The following YWHAQ variants were observed in gnomAD, a reference collection of about 807,000 sequenced individuals.
YWHAQ encodes 14-3-3 protein theta.
A neutral mutation model predicts 28.3 loss-of-function variants in YWHAQ; 6 were observed. The observed-to-expected ratio is 0.21, with a 90% CI of 0.12 to 0.42. The LOEUF is 0.42. YWHAQ is among the 10% of genes least tolerant of loss of function. The pLI is 1.00. For missense variants in YWHAQ, 201 were observed against 305.6 expected (o/e 0.66, Z 2.55); for synonymous variants, 143 against 119.1 (o/e 1.20, Z -1.31).
At chr2:9,599,717 A>T (rs1666650502) in intron 2 of YWHAQ, among the ~76,000 whole-genome samples, 2 of 152,210 alleles carry the variant, frequency 1.3e-5, no homozygotes, top group Non-Finnish European at 2.9e-5. Context: ...CTCATTGACA[A>T]TGCAGCACCT....
chr2:9,594,356 C>A (rs1454046020), intron 2 of YWHAQ, among the ~76,000 whole-genome samples: 1 of 152,060 alleles, frequency 6.6e-6, no homozygotes, highest in Admixed American at 6.5e-5. Flanking sequence ...TTATGGATGA[C>A]TTTCAATTTA....
At chr2:9,587,091 A>G (rs571008092) in intron 5 of YWHAQ, among the ~76,000 whole-genome samples, 1 of 152,332 alleles carries the variant, frequency 6.6e-6, no homozygotes, top group East Asian at 1.9e-4. Context: ...GATAGTCCCT[A>G]ACTGGCTATA....
rs138137488 is a variant in YWHAQ at position 9,611,911 on chromosome 2, T to C, written c.294+18248A>G. Among the ~76,000 whole-genome samples, 335 of 152,314 alleles carry C rather than the reference T, an allele frequency of 2.2e-3. 2 individuals are homozygous for C. Among genetic ancestry groups the C allele is most frequent in the African/African-American group, 7.7e-3 (320 of 41,572 alleles). On this transcript the variant is annotated intron_variant, in intron 2 of 5. Transcript: ENST00000238081. ...CTCAAACTCCTGGGCTCATGTGATC[T>C]ACCCGCCTTGGCCTCCCAAAGCGCT... is the stretch of plus-strand genomic sequence containing the variant.
At chr2:9,605,170 A>T (rs548469057) in intron 2 of YWHAQ, among the ~76,000 whole-genome samples, 48 of 132,990 alleles carry the variant, frequency 3.6e-4, no homozygotes, top group Non-Finnish European at 6.9e-4. Context: ...ACAGGGTCTC[A>T]CTCTGTTGCT....
In YWHAQ at chr2:9,630,520, G is replaced by A; in HGVS notation, c.-68C>T. On this transcript the variant is annotated 5_prime_UTR_variant, in exon 2 of 6. Coordinates refer to ENST00000238081, the MANE Select transcript of YWHAQ (RefSeq NM_006826.4). The surrounding 1 kb of genome is among the most constrained non-coding windows in gnomAD (Gnocchi z 5.6). ...GAGGGCGAGCGCCGACCCGCAGCGG[G>A]AGGAGCCTCGAGAGCTGCGGAGGGG... 1 of 1,424,906 alleles carries A rather than the reference G, an allele frequency of 7.0e-7. No homozygotes were observed. The highest frequency in any genetic ancestry group is 2.4e-5 in the East Asian group (1 of 40,952). 88.3% of individuals were successfully genotyped at this position (1,424,906 alleles called of 1,614,324 possible).
chr2:9,623,628 C>A (rs552629497), intron 2 of YWHAQ, among the ~76,000 whole-genome samples: 10 of 152,150 alleles, frequency 6.6e-5, no homozygotes, highest in African/African-American at 2.2e-4. Context: ...ACAAAATTAG[C>A]CGGGTGTGGT....
intron 5 of YWHAQ, 100 bp downstream of exon 5, chr2:9,587,314 A>G (rs544480586): frequency 9.7e-7 from 1 of 1,036,220 alleles, no homozygotes; most frequent in Admixed American, 2.7e-5. Context: ...TCATACTTTC[A>G]GCTCGTATGT....
At chr2:9,587,345 A>C in intron 5 of YWHAQ, 69 bp downstream of exon 5, 1 of 1,400,568 alleles carries the variant, frequency 7.1e-7, no homozygotes, top group Non-Finnish European at 9.8e-7. Flanking sequence ...AAAGACACGA[A>C]GTCCAAAATA....
chr2:9,620,989 T>C (rs1215438833), intron 2 of YWHAQ, among the ~76,000 whole-genome samples: 3 of 152,130 alleles, frequency 2.0e-5, no homozygotes, highest in Non-Finnish European at 4.4e-5. Context: ...CCTATATCCT[T>C]TGTGGGGTGG....
chr2:9,624,525 G>A (rs920297261), intron 2 of YWHAQ, among the ~76,000 whole-genome samples: 1 of 152,048 alleles, frequency 6.6e-6, no homozygotes, highest in Non-Finnish European at 1.5e-5. Flanking sequence ...ATTGGCATGG[G>A]GGGGGCTGGG....
intron 2 of YWHAQ, among the ~76,000 whole-genome samples, chr2:9,624,186 G>A (rs917026776): frequency 1.3e-5 from 2 of 152,190 alleles, no homozygotes; most frequent in African/African-American, 4.8e-5. Context: ...AGCCCGGGAG[G>A]TGGAGGTTGC....
intron 4 of YWHAQ, 123 bp downstream of exon 4, chr2:9,588,042 G>GATTTCAAA: frequency 8.3e-7 from 1 of 1,208,690 alleles, no homozygotes; most frequent in South Asian, 1.8e-5. Flanking sequence ...AAAAAGAGGA[G>GATTTCAAA]ATTTCAAAAT....
intron 2 of YWHAQ, among the ~76,000 whole-genome samples, chr2:9,620,065 TCA>T (rs911241538): frequency 2.0e-5 from 3 of 152,218 alleles, no homozygotes; most frequent in Non-Finnish European, 4.4e-5. Flanking sequence ...TAAAGCATTT[TCA>T]CACACTTCTC....
In YWHAQ at chr2:9,618,542, T is replaced by C. The variant is rs1667080504; in HGVS notation, c.294+11617A>G. Among the ~76,000 whole-genome samples, 5 of 152,190 alleles carry C rather than the reference T, an allele frequency of 3.3e-5. No homozygotes were observed. In the South Asian group the frequency reaches 6.2e-4, roughly 19 times the overall value. The stretch of plus-strand genomic sequence containing the variant: ...TCTTTTTTGAGACAGAGACTAGGTC[T>C]GTCACCCAGGCTTGAGTGAAGTGGC... On this transcript the variant is annotated intron_variant, in intron 2 of 5. Coordinates refer to ENST00000238081, the MANE Select transcript of YWHAQ (RefSeq NM_006826.4).
chr2:9,617,117 C>G (rs552593813), intron 2 of YWHAQ, among the ~76,000 whole-genome samples: 1 of 148,448 alleles, frequency 6.7e-6, no homozygotes, highest in Non-Finnish European at 1.5e-5. Context: ...CCTGCCACTA[C>G]GCCCGGCTAA....
rs755954786 is a variant in YWHAQ at position 9,630,472 on chromosome 2, C to A, written c.-20G>T. On this transcript the variant is annotated 5_prime_UTR_variant, in exon 2 of 6. Transcript: ENST00000238081. This position sits in a 1 kb window ranked among gnomAD's most constrained non-coding sequence, Gnocchi z 5.6. ...CTCCATGGCGGGCGCGGGGCCGGGG[C>A]CGGGGCGGAGGGCGAGGAGAGCGAG... 1 of 1,575,890 alleles carries A rather than the reference C, an allele frequency of 6.3e-7. No homozygotes were observed. Among genetic ancestry groups the A allele is most frequent in the Non-Finnish European group, 8.6e-7 (1 of 1,164,468 alleles).
At chr2:9,611,400 A>G (rs935928935) in intron 2 of YWHAQ, among the ~76,000 whole-genome samples, 4 of 152,234 alleles carry the variant, frequency 2.6e-5, no homozygotes, top group Non-Finnish European at 5.9e-5. Context: ...TAAATGAATA[A>G]GCTAACTTTC....
chr2:9,618,454 A>G (rs980760434), intron 2 of YWHAQ, among the ~76,000 whole-genome samples: 2 of 152,222 alleles, frequency 1.3e-5, no homozygotes, highest in African/African-American at 4.8e-5. Flanking sequence ...TTTGTGTAGC[A>G]ATCATCACTA....
In YWHAQ at chr2:9,612,150, T is replaced by C. The variant is rs183192316; in HGVS notation, c.294+18009A>G. Among the ~76,000 whole-genome samples the C allele has an allele frequency of 1.2e-3, 186 of 152,334 alleles. 1 individual carries two copies. Among genetic ancestry groups the C allele is most frequent in the African/African-American group, 4.2e-3 (175 of 41,572 alleles). On this transcript the variant is annotated intron_variant, in intron 2 of 5. Coordinates refer to ENST00000238081, the MANE Select transcript of YWHAQ (RefSeq NM_006826.4). ...GTGTCACAGTATTTTTGAAAATCTA[T>C]CTTCTCAGTCTCATTCCTATTTCTA...
Sources: gnomAD v4.1 joint callset for allele counts (sites outside exome capture counted in the v4.1 genomes callset) on GRCh38, gnomAD v4.1.1 for gene constraint, Gnocchi (gnomAD v3.1) non-coding constraint, MANE v1.5 for transcripts, NCBI Gene and HGNC (gene_info 2026-07-23, HGNC 2026-07-21) for gene names.